The following ASIC2 variants were observed in gnomAD, a reference collection of about 807,000 sequenced individuals.
ASIC2 encodes acid sensing ion channel subunit 2, also known as acid-sensing ion channel 2.
In ASIC2, 25 loss-of-function variants were observed where a neutral mutation model predicts 57.3. The observed-to-expected ratio is 0.44, with a 90% CI of 0.32 to 0.61. The LOEUF (loss-of-function observed/expected upper bound fraction) is 0.61. Ranked by LOEUF, ASIC2 falls within the 20% of genes least tolerant of loss-of-function variation. The pLI is 0.06. For missense variants in ASIC2, 641 were observed against 738.1 expected (o/e 0.87, Z 1.52); for synonymous variants, 319 against 307.5 (o/e 1.04, Z -0.39).
chr17:33,056,281 G>C (rs1379568824), intron 3 of ASIC2, among the ~76,000 whole-genome samples: 1 of 152,202 alleles, frequency 6.6e-6, no homozygotes, highest in Non-Finnish European at 1.5e-5. Context: ...ACAGCTGAGT[G>C]TATGAAATTC....
chr17:34,122,544 G>C (rs1047884329), intron 1 of ASIC2, among the ~76,000 whole-genome samples: 1 of 152,224 alleles, frequency 6.6e-6, no homozygotes, highest in Admixed American at 6.5e-5. Context: ...GTCACACCCA[G>C]CTACATGTGT....
At chr17:33,617,617 T>C (rs1271909578) in intron 1 of ASIC2, among the ~76,000 whole-genome samples, 1 of 152,230 alleles carries the variant, frequency 6.6e-6, no homozygotes, top group African/African-American at 2.4e-5. Context: ...TGTACCTGTG[T>C]AACAGACCTG....
intron 1 of ASIC2, among the ~76,000 whole-genome samples, chr17:33,339,393 C>T (rs967593712): frequency 1.3e-5 from 2 of 152,138 alleles, no homozygotes; most frequent in Non-Finnish European, 2.9e-5. Flanking sequence ...CAGCCCTTGG[C>T]AATATGCAAA....
chr17:33,573,785 C>T (rs997532174), intron 1 of ASIC2, among the ~76,000 whole-genome samples: 4 of 152,116 alleles, frequency 2.6e-5, no homozygotes, highest in Admixed American at 6.5e-5. Flanking sequence ...AGGCTGGTCT[C>T]GAACTCCTGA....
chr17:33,089,409 T>C (rs2092149097), intron 2 of ASIC2, among the ~76,000 whole-genome samples: 1 of 152,184 alleles, frequency 6.6e-6, no homozygotes, highest in South Asian at 2.1e-4. Flanking sequence ...AATTTTCCCC[T>C]AGAGCTGCCA....
rs536622664 is a variant in ASIC2, at chr17:33,485,159, A to T, written c.556-373092T>A. Among the ~76,000 whole-genome samples, 13 of 152,402 alleles carry T rather than the reference A, an allele frequency of 8.5e-5. No individual in the cohort carries two copies. The South Asian group carries it at 2.7e-3, about 32-fold the overall frequency. ...TGATTTGATCTTAGGTCCAAGCAGCATAGTTCTAAAAGGTTAAGACTATTG... is the reference window on the plus strand; with the variant it reads ...TGATTTGATCTTAGGTCCAAGCAGCTTAGTTCTAAAAGGTTAAGACTATTG... On this transcript the variant is annotated intron_variant, in intron 1 of 9. Transcript: ENST00000359872.
rs1905910964 is a variant in ASIC2 at position 33,179,954 on chromosome 17, T to C, written c.709-67887A>G. Among the ~76,000 whole-genome samples the C allele has an allele frequency of 2.0e-5, 3 of 152,224 alleles. No homozygotes were observed. The South Asian group carries it at 6.2e-4, about 32-fold the overall frequency. ...GAAATAGATTACAGATTCCGTCAGA[T>C]ACATTTCATTTGCAGTTTCAATCTA... On this transcript the variant is annotated intron_variant, in intron 1 of 9. Coordinates refer to ENST00000225823, the MANE Select transcript of ASIC2 (RefSeq NM_183377.2).
intron 1 of ASIC2, among the ~76,000 whole-genome samples, chr17:33,441,055 AC>A (rs1911806579): frequency 6.6e-6 from 1 of 151,358 alleles, no homozygotes; most frequent in Admixed American, 6.6e-5. Flanking sequence ...TGTAGGCTTG[AC>A]CTCCTGGGCT....
chr17:33,911,406 C>T (rs1447791997), intron 1 of ASIC2, among the ~76,000 whole-genome samples: 1 of 152,200 alleles, frequency 6.6e-6, no homozygotes, highest in African/African-American at 2.4e-5. Flanking sequence ...AGGCAGCTTC[C>T]AGCTTTCTGC....
chr17:33,678,433 A>G (rs1200111272), intron 1 of ASIC2, among the ~76,000 whole-genome samples: 1 of 135,892 alleles, frequency 7.4e-6, no homozygotes, highest in African/African-American at 3.2e-5. Context: ...GCCTGGTTCA[A>G]TCCACACACA....
intron 1 of ASIC2, among the ~76,000 whole-genome samples, chr17:33,660,702 T>C (rs1017163994): frequency 6.6e-6 from 1 of 152,238 alleles, no homozygotes; most frequent in African/African-American, 2.4e-5. Context: ...CAAACATGTG[T>C]GTCCCGTGCT....
intron 1 of ASIC2, among the ~76,000 whole-genome samples, chr17:34,116,113 C>T (rs1313672177): frequency 1.3e-5 from 2 of 152,168 alleles, no homozygotes; most frequent in East Asian, 1.9e-4. Context: ...CAGAGAAAAC[C>T]GTTTGACCTT....
intron 1 of ASIC2, among the ~76,000 whole-genome samples, chr17:33,144,849 G>A (rs760549912): frequency 5.3e-5 from 8 of 152,280 alleles, no homozygotes; most frequent in South Asian, 4.1e-4. Context: ...TCACTCTCCT[G>A]AAGATACTAT....
chr17:33,494,574 T>C (rs185791874), intron 1 of ASIC2, among the ~76,000 whole-genome samples: 3 of 152,204 alleles, frequency 2.0e-5, no homozygotes, highest in African/African-American at 4.8e-5. Flanking sequence ...AGAACAGCAA[T>C]GAAGACCATT....
intron 1 of ASIC2, among the ~76,000 whole-genome samples, chr17:33,170,867 C>T (rs59470454): frequency 0.075 from 11,386 of 152,234 alleles, 1,136 homozygotes; most frequent in African/African-American, 0.22. Flanking sequence ...CCTATAGCAA[C>T]ATACTTCAGT....
chr17:33,295,848 T>A (rs1463526037), upstream of ASIC2, among the ~76,000 whole-genome samples: 2 of 152,192 alleles, frequency 1.3e-5, no homozygotes, highest in Non-Finnish European at 1.5e-5. Flanking sequence ...TTGGCCTTTT[T>A]TATACACTAT....
intron 1 of ASIC2, among the ~76,000 whole-genome samples, chr17:33,600,087 C>A (rs1469073926): frequency 6.6e-6 from 1 of 152,236 alleles, no homozygotes; most frequent in Non-Finnish European, 1.5e-5. Context: ...TACTGCCTGT[C>A]ATCTTGTCTC....
intron 1 of ASIC2, among the ~76,000 whole-genome samples, chr17:33,961,861 C>T (rs1015548278): frequency 6.6e-6 from 1 of 152,178 alleles, no homozygotes; most frequent in African/African-American, 2.4e-5. Flanking sequence ...CCTCCATCTC[C>T]ACTTTCCAAA....
In ASIC2 at chr17:33,984,584, G is replaced by A. The variant is rs138270484; in HGVS notation, c.555+171394C>T. 2.4e-3 allele frequency among the ~76,000 whole-genome samples: 361 copies of A among 152,324 alleles called. 1 individual carries two copies. The highest frequency in any genetic ancestry group is 8.1e-3 in the African/African-American group (336 of 41,568). On this transcript the variant is annotated intron_variant, in intron 1 of 9. Coordinates refer to the ASIC2 transcript ENST00000359872. ...TCTCATGTAGTCCTCACAACCACCC[G>A]ACGATGCAGACACTTGTGCATCCCC...
Sources: gnomAD v4.1 joint callset for allele counts (sites outside exome capture counted in the v4.1 genomes callset) on GRCh38, gnomAD v4.1.1 for gene constraint, MANE v1.5 for transcripts, NCBI Gene and HGNC (gene_info 2026-07-23, HGNC 2026-07-21) for gene names.